The following PCDH7 variants were observed in gnomAD, a reference collection of about 807,000 sequenced individuals.
PCDH7 encodes protocadherin 7, also known as protocadherin-7.
A neutral mutation model predicts 58.9 loss-of-function variants in PCDH7; 17 were observed. The observed-to-expected ratio is 0.29, with a 90% CI of 0.20 to 0.43. The LOEUF (loss-of-function observed/expected upper bound fraction) is 0.43, where lower values mean the gene tolerates loss of function less well. PCDH7 is among the 20% of genes least tolerant of loss of function. The probability of loss-of-function intolerance (pLI) is 1.00; values close to 1 mark genes in which losing one functional copy is unlikely to be tolerated. For missense variants in PCDH7, 1,274 were observed against 1,441.0 expected, an observed-to-expected ratio of 0.88 and a Z score of 1.88; for synonymous variants, 664 against 616.4, an observed-to-expected ratio of 1.08 and a Z score of -1.14.
At chr4:31,130,340 T>C (rs1006097934) in intron 3 of PCDH7, among the ~76,000 whole-genome samples, 7 of 152,196 alleles carry the variant, frequency 4.6e-5, no homozygotes, top group Admixed American at 6.5e-5. Context: ...TAGAGTGAAG[T>C]AGAATTTTCA....
chr4:31,110,519 A>G (rs887199418), intron 3 of PCDH7, among the ~76,000 whole-genome samples: 5 of 152,216 alleles, frequency 3.3e-5, no homozygotes, highest in Non-Finnish European at 5.9e-5. Context: ...CTTTAAAACT[A>G]GTTGTTTATC....
At chr4:30,771,863 C>T (rs922039214) in intron 1 of PCDH7, among the ~76,000 whole-genome samples, 1 of 151,712 alleles carries the variant, frequency 6.6e-6, no homozygotes, top group Admixed American at 6.6e-5. Context: ...TATAGATAGC[C>T]TTTTCTTTCT....
chr4:31,066,307 G>A (rs1377605117), intron 3 of PCDH7, among the ~76,000 whole-genome samples: 1 of 151,914 alleles, frequency 6.6e-6, no homozygotes, highest in Non-Finnish European at 1.5e-5. Context: ...GCTTGATATT[G>A]TGTAATATGA....
intron 2 of PCDH7, among the ~76,000 whole-genome samples, chr4:30,942,451 A>G (rs1746155874): frequency 6.6e-6 from 1 of 151,994 alleles, no homozygotes; most frequent in Non-Finnish European, 1.5e-5. Context: ...CAGTGTCCTA[A>G]TTGGCAGAAC....
chr4:30,875,903 T>G (rs1215631983), intron 1 of PCDH7, among the ~76,000 whole-genome samples: 1 of 152,150 alleles, frequency 6.6e-6, no homozygotes, highest in Non-Finnish European at 1.5e-5. Context: ...AACGTTTTCT[T>G]CTGTCATGTG....
At chr4:30,879,144 A>G (rs138050486) in intron 1 of PCDH7, among the ~76,000 whole-genome samples, 1 of 151,856 alleles carries the variant, frequency 6.6e-6, no homozygotes, top group East Asian at 2.0e-4. Flanking sequence ...AAAAAATCCA[A>G]TTCTTTCCTC....
At chr4:30,922,963 G>A (rs531177134) in intron 2 of PCDH7, among the ~76,000 whole-genome samples, 2 of 152,128 alleles carry the variant, frequency 1.3e-5, no homozygotes, top group South Asian at 4.1e-4. Context: ...CAGTATTAAT[G>A]GATCATTCTG....
chr4:31,115,488 T>A (rs2109316682), intron 3 of PCDH7, among the ~76,000 whole-genome samples: 1 of 152,326 alleles, frequency 6.6e-6, no homozygotes, highest in Non-Finnish European at 1.5e-5. Flanking sequence ...GCTCATTCTT[T>A]ATTTTTCTGT....
At position 30,723,580 on chromosome 4, in the gene PCDH7, C is replaced by A. The variant is rs772554380; in HGVS notation, c.2158C>A (p.Pro720Thr). 17 of 1,614,002 alleles carry A rather than the reference C, an allele frequency of 1.1e-5. No homozygotes were observed. In the East Asian group the frequency reaches 3.8e-4, roughly 36 times the overall value. Residue 720 changes from proline (P) to threonine (T), a missense_variant, in exon 1 of 2, where the codon CCT becomes ACT. Pro to Thr is a conservative substitution (Grantham distance 38, BLOSUM62 -1). Around this residue, in one of 3 missense-constraint regions of PCDH7, gnomAD observed 731 missense variants for 881.9 expected, o/e 0.83. Coordinates refer to ENST00000361762, the Ensembl canonical transcript of PCDH7. The surrounding 1 kb of genome is among the most constrained non-coding windows in gnomAD (Gnocchi z 4.6). ...AGTCAAGGCTGTGGATGGGGGAGAT[C>A]CTCCCAGATCTGCCACAGCTACAGT...
At chr4:30,873,278 G>T (rs1735851086) in intron 1 of PCDH7, among the ~76,000 whole-genome samples, 1 of 151,980 alleles carries the variant, frequency 6.6e-6, no homozygotes, top group South Asian at 2.1e-4. Flanking sequence ...TTGATTCAAT[G>T]AATACAATTA....
intron 3 of PCDH7, chr4:30,987,724 A>T (rs572547766): frequency 4.6e-5 from 7 of 152,162 alleles, no homozygotes; most frequent in Middle Eastern, 3.4e-3. Flanking sequence ...TTTATTTCTG[A>T]TATATTTTTG....
intron 3 of PCDH7, among the ~76,000 whole-genome samples, chr4:31,092,327 G>A (rs1268527646): frequency 6.6e-6 from 1 of 151,988 alleles, no homozygotes; most frequent in East Asian, 1.9e-4. Flanking sequence ...CGTTGGGGAA[G>A]GAAAAACTGA....
At chr4:31,099,825 G>C (rs1714666780) in intron 3 of PCDH7, among the ~76,000 whole-genome samples, 2 of 152,014 alleles carry the variant, frequency 1.3e-5, no homozygotes, top group South Asian at 4.1e-4. Flanking sequence ...TAAAAGATTT[G>C]ACGCGTGTCT....
downstream of PCDH7, among the ~76,000 whole-genome samples, chr4:30,736,661 G>C (rs1346010816): frequency 2.7e-5 from 4 of 150,756 alleles, no homozygotes; most frequent in South Asian, 8.4e-4. Flanking sequence ...TCAGCCTCCC[G>C]AGTAGCTGGG....
chr4:31,095,992 C>T (rs1346134032), intron 3 of PCDH7, among the ~76,000 whole-genome samples: 2 of 152,206 alleles, frequency 1.3e-5, no homozygotes, highest in African/African-American at 4.8e-5. Context: ...GACACTGCAT[C>T]TCCCTTGGTG....
intron 2 of PCDH7, among the ~76,000 whole-genome samples, chr4:30,935,896 A>G (rs967444559): frequency 2.0e-5 from 3 of 152,066 alleles, no homozygotes; most frequent in African/African-American, 4.8e-5. Context: ...AAACACCCCA[A>G]TTGCAATACA....
intron 3 of PCDH7, among the ~76,000 whole-genome samples, chr4:30,994,262 A>T (rs776706499): frequency 1.6e-4 from 24 of 152,208 alleles, no homozygotes; most frequent in Non-Finnish European, 2.6e-4. Context: ...AAAGCTGTAG[A>T]ATTTAGCCAG....
chr4:31,086,199 A>T lies in PCDH7; in HGVS notation c.*8-56274A>T, dbSNP rs552612579. Reference sequence around the variant, plus strand: ...CTTTATGTGAAGCCTATACTGTCTCACCACTTTCTCCTGTTTTTTAACATC... The same window carrying T: ...CTTTATGTGAAGCCTATACTGTCTCTCCACTTTCTCCTGTTTTTTAACATC... On this transcript the variant is annotated intron_variant, in intron 3 of 3. Coordinates refer to the PCDH7 transcript ENST00000509759. Among the ~76,000 whole-genome samples, 71 of 152,272 alleles carry T rather than the reference A, an allele frequency of 4.7e-4. 1 individual carries two copies. Among genetic ancestry groups the T allele is most frequent in the African/African-American group, 1.7e-3 (69 of 41,564 alleles).
chr4:31,097,221 C>T (rs919215128), intron 3 of PCDH7, among the ~76,000 whole-genome samples: 2 of 151,900 alleles, frequency 1.3e-5, no homozygotes, highest in African/African-American at 2.4e-5. Context: ...CTTTGGGAGG[C>T]CGAGGTGGGT....
Sources: gnomAD v4.1 joint callset for allele counts (sites outside exome capture counted in the v4.1 genomes callset) on GRCh38, gnomAD v4.1.1 for gene constraint, gnomAD v4.1.1 regional missense constraint, Gnocchi (gnomAD v3.1) non-coding constraint, MANE v1.5 for transcripts, NCBI Gene and HGNC (gene_info 2026-07-23, HGNC 2026-07-21) for gene names.